KCTD8: variants seen among roughly 807,000 people sequenced by gnomAD.
KCTD8 encodes the protein potassium channel tetramerization domain containing 8, also known as BTB/POZ domain-containing protein KCTD8.
Under a neutral mutation model 31.5 loss-of-function variants are expected in KCTD8, and 27 were observed. The ratio of observed to expected loss-of-function variants is 0.86; its 90% CI spans 0.63 to 1.18. The LOEUF is 1.18. Among genes scored for constraint, KCTD8 ranks in the 50% most tolerant of loss-of-function variants. The pLI, the probability that KCTD8 is intolerant of heterozygous loss-of-function variation, is 0.00. For synonymous variants in KCTD8, 290 were observed against 280.0 expected, an observed-to-expected ratio of 1.04 and a Z score of -0.36; for missense variants, 658 against 647.7, an observed-to-expected ratio of 1.02 and a Z score of -0.17.
intron 1 of KCTD8, among the ~76,000 whole-genome samples, chr4:44,422,354 G>C (rs1721233471): frequency 6.6e-6 from 1 of 151,972 alleles, no homozygotes; most frequent in African/African-American, 2.4e-5. Context: ...GTGATTTTCA[G>C]TTTGTGTAAA....
intron 1 of KCTD8, among the ~76,000 whole-genome samples, chr4:44,421,959 T>C (rs531793715): frequency 1.3e-5 from 2 of 152,166 alleles, no homozygotes; most frequent in East Asian, 3.8e-4. Flanking sequence ...AATAATCATC[T>C]GATCTGTGCA....
chr4:44,405,817 C>CAAAAAAAAAAAAAA (rs903559298), intron 1 of KCTD8, among the ~76,000 whole-genome samples: 1 of 32,230 alleles, frequency 3.1e-5, no homozygotes, highest in Non-Finnish European at 5.4e-5. Flanking sequence ...TCCTGTTTCT[C>CAAAAAAAAAAAAAA]AAAAAAAAAA....
At position 44,346,415 on chromosome 4, in the gene KCTD8, G is replaced by A. The variant is rs189080439; in HGVS notation, c.961+101148C>T. ...AAATTCAACTCCCATGTAAAATTGT[G>A]GTGATATTCAAAGCGACAATTTCAA... On this transcript the variant is annotated intron_variant, in intron 1 of 1. Transcript: ENST00000360029. Among the ~76,000 whole-genome samples, 166 of 152,064 alleles carry A rather than the reference G, an allele frequency of 1.1e-3. 2 individuals are homozygous for A. Among genetic ancestry groups the A allele is most frequent in the African/African-American group, 3.9e-3 (161 of 41,484 alleles).
chr4:44,282,315 T>G (rs1183682295), intron 1 of KCTD8, among the ~76,000 whole-genome samples: 4 of 152,156 alleles, frequency 2.6e-5, no homozygotes, highest in African/African-American at 9.6e-5. Flanking sequence ...TCAGTGACCT[T>G]TGATGTTACT....
chr4:44,332,717 A>G (rs1309016953), intron 1 of KCTD8, among the ~76,000 whole-genome samples: 2 of 151,978 alleles, frequency 1.3e-5, no homozygotes, highest in Non-Finnish European at 2.9e-5. Flanking sequence ...TTAAAAAAGA[A>G]AACTCCATAG....
intron 1 of KCTD8, among the ~76,000 whole-genome samples, chr4:44,383,619 C>A (rs1304560942): frequency 6.6e-6 from 1 of 151,938 alleles, no homozygotes; most frequent in Non-Finnish European, 1.5e-5. Context: ...TAACCATAAA[C>A]ACAATAATAA....
intron 1 of KCTD8, among the ~76,000 whole-genome samples, chr4:44,430,660 G>T (rs1384978162): frequency 6.6e-6 from 1 of 151,556 alleles, no homozygotes; most frequent in African/African-American, 2.4e-5. Context: ...CCTTCCATGA[G>T]GGCATGTTTT....
chr4:44,215,485 T>G (rs935471198), intron 1 of KCTD8, among the ~76,000 whole-genome samples: 1 of 152,174 alleles, frequency 6.6e-6, no homozygotes, highest in Admixed American at 6.5e-5. Flanking sequence ...CATTTATAAC[T>G]TTTATAGGGA....
At chr4:44,247,788 G>T (rs377595833) in intron 1 of KCTD8, among the ~76,000 whole-genome samples, 24 of 151,682 alleles carry the variant, frequency 1.6e-4, no homozygotes, top group East Asian at 5.8e-4. Flanking sequence ...TGTCACATAT[G>T]GTAGGATTTC....
chr4:44,188,769 G>A (rs1713670849), intron 1 of KCTD8, among the ~76,000 whole-genome samples: 1 of 152,192 alleles, frequency 6.6e-6, no homozygotes, highest in Non-Finnish European at 1.5e-5. Flanking sequence ...AGAGGTTGGA[G>A]TGATGCAGCT....
intron 1 of KCTD8, among the ~76,000 whole-genome samples, chr4:44,279,313 C>T (rs1055981798): frequency 2.0e-5 from 3 of 151,960 alleles, no homozygotes; most frequent in Non-Finnish European, 2.9e-5. Flanking sequence ...ATCCTGTATT[C>T]TGTATTGGAA....
At position 44,202,464 on chromosome 4, in the gene KCTD8, C is replaced by A. The variant is rs747051923; in HGVS notation, c.962-27214G>T. ...ATGCAGTCATAAAAATGAACAAAAT[C>A]GTATCCTTTGCAGCACCATGGATGC... On this transcript the variant is annotated intron_variant, in intron 1 of 1. Transcript: ENST00000360029. Among the ~76,000 whole-genome samples the A allele has an allele frequency of 3.3e-5, 5 of 152,264 alleles. No individual in the cohort carries two copies. The East Asian group carries it at 7.7e-4, about 23-fold the overall frequency.
intron 1 of KCTD8, among the ~76,000 whole-genome samples, chr4:44,336,149 CAAAAAAAAAAA>C (rs58161667): frequency 4.3e-5 from 2 of 46,526 alleles, no homozygotes; most frequent in South Asian, 1.2e-3. Flanking sequence ...GACTCCGTCT[CAAAAAAAAAAA>C]AAAAAAAAAA....
At chr4:44,182,494 C>T (rs1051046967) in intron 1 of KCTD8, among the ~76,000 whole-genome samples, 4 of 152,202 alleles carry the variant, frequency 2.6e-5, no homozygotes, top group African/African-American at 9.6e-5. Context: ...TTACCCCCAA[C>T]CATGCACTCT....
intron 1 of KCTD8, among the ~76,000 whole-genome samples, chr4:44,317,630 G>A (rs1032438474): frequency 2.0e-5 from 3 of 152,150 alleles, no homozygotes; most frequent in Non-Finnish European, 4.4e-5. Context: ...ACCCACTTAT[G>A]CCTAGTGTTC....
At chr4:44,427,714 C>T (rs1485045040) in intron 1 of KCTD8, among the ~76,000 whole-genome samples, 1 of 151,438 alleles carries the variant, frequency 6.6e-6, no homozygotes, top group Non-Finnish European at 1.5e-5. Flanking sequence ...CAAAATGAAA[C>T]AAAGTAGAGA....
intron 1 of KCTD8, among the ~76,000 whole-genome samples, chr4:44,221,136 C>G (rs559150428): frequency 4.7e-4 from 71 of 152,294 alleles, no homozygotes; most frequent in African/African-American, 1.7e-3. Context: ...CTTATTGTCT[C>G]TCAGCTCCAA....
At chr4:44,201,509 A>T (rs1214804216) in intron 1 of KCTD8, among the ~76,000 whole-genome samples, 1 of 152,086 alleles carries the variant, frequency 6.6e-6, no homozygotes, top group Non-Finnish European at 1.5e-5. Flanking sequence ...CCACATACTT[A>T]CAATTATTGA....
At chr4:44,345,723 T>C (rs1719019170) in intron 1 of KCTD8, among the ~76,000 whole-genome samples, 1 of 152,138 alleles carries the variant, frequency 6.6e-6, no homozygotes, top group Non-Finnish European at 1.5e-5. Context: ...GATGTTCATG[T>C]TTGTTTGCTT....
Sources: allele counts gnomAD v4.1 joint callset (sites outside exome capture counted in the v4.1 genomes callset), GRCh38; gene constraint gnomAD v4.1.1; transcripts MANE v1.5; gene names NCBI Gene and HGNC (gene_info 2026-07-23, HGNC 2026-07-21).